The following LIMCH1 variants were observed in gnomAD, a reference collection of about 807,000 sequenced individuals.
LIMCH1 encodes LIM and calponin homology domains 1, also known as LIM and calponin homology domains-containing protein 1.
A neutral mutation model predicts 176.5 loss-of-function variants in LIMCH1; 113 were observed. The observed-to-expected ratio is 0.64, with a 90% CI of 0.55 to 0.75. The LOEUF (loss-of-function observed/expected upper bound fraction) is 0.75. LIMCH1 is among the 30% of genes least tolerant of loss of function. The pLI, the probability that LIMCH1 is intolerant of heterozygous loss-of-function variation, is 0.00. For missense variants in LIMCH1, 1,674 were observed against 1,814.9 expected, an observed-to-expected ratio of 0.92 and a Z score of 1.41; for synonymous variants, 619 against 645.9, an observed-to-expected ratio of 0.96 and a Z score of 0.63.
chr4:41,438,074 A>G (rs1235797329), intron 1 of LIMCH1, among the ~76,000 whole-genome samples: 1 of 152,184 alleles, frequency 6.6e-6, no homozygotes, highest in Non-Finnish European at 1.5e-5. Flanking sequence ...TGTTTTCCCC[A>G]ATCAGCTACC....
chr4:41,596,857 C>T (rs1367323079), intron 1 of LIMCH1, among the ~76,000 whole-genome samples: 1 of 152,132 alleles, frequency 6.6e-6, no homozygotes, highest in African/African-American at 2.4e-5. Context: ...TGAACAATGG[C>T]ATCTCTTGCC....
intron 28 of LIMCH1, among the ~76,000 whole-genome samples, chr4:41,687,457 C>T (rs1222861577): frequency 2.6e-5 from 4 of 152,138 alleles, no homozygotes; most frequent in Admixed American, 1.3e-4. Flanking sequence ...TCCCCTTCCA[C>T]GGAGTCCATC....
At chr4:41,557,031 A>G (rs1336034201) in intron 1 of LIMCH1, among the ~76,000 whole-genome samples, 1 of 152,170 alleles carries the variant, frequency 6.6e-6, no homozygotes, top group African/African-American at 2.4e-5. Context: ...TTTAACTATC[A>G]TTAATGGCCA....
At chr4:41,509,976 A>G (rs1031932077) in intron 2 of LIMCH1, among the ~76,000 whole-genome samples, 3 of 152,204 alleles carry the variant, frequency 2.0e-5, no homozygotes, top group Non-Finnish European at 4.4e-5. Context: ...ATCTTTGTAA[A>G]TATTCTGTTC....
chr4:41,560,103 C>T (rs1441009254), intron 1 of LIMCH1, among the ~76,000 whole-genome samples: 2 of 152,158 alleles, frequency 1.3e-5, no homozygotes, highest in Admixed American at 1.3e-4. Flanking sequence ...CCTCCATCTG[C>T]ATTCCTTATT....
At chr4:41,597,411 AT>A (rs1485567161) in intron 1 of LIMCH1, among the ~76,000 whole-genome samples, 1 of 152,164 alleles carries the variant, frequency 6.6e-6, no homozygotes, top group East Asian at 1.9e-4. Flanking sequence ...ACTTATTGCT[AT>A]TGTTCTTGTT....
chr4:41,650,241 A>G (rs2094233468), intron 17 of LIMCH1, 152 bp from the exon 18 acceptor site: 4 of 640,486 alleles, frequency 6.2e-6, no homozygotes, highest in Non-Finnish European at 5.5e-6. Context: ...CCTAACTCAT[A>G]GATCCCATCA....
chr4:41,601,601 G>A (rs917323720), intron 2 of LIMCH1, among the ~76,000 whole-genome samples: 4 of 152,146 alleles, frequency 2.6e-5, no homozygotes, highest in Non-Finnish European at 2.9e-5. Context: ...AAGCAGGGTA[G>A]GATGTTGAAC....
chr4:41,406,210 C>T (rs1029649618), intron 1 of LIMCH1, among the ~76,000 whole-genome samples: 4 of 152,188 alleles, frequency 2.6e-5, no homozygotes, highest in African/African-American at 7.2e-5. Flanking sequence ...AATTAACTGA[C>T]ATTTTAAAAG....
At chr4:41,368,764 T>C (rs1032635979) in intron 1 of LIMCH1, among the ~76,000 whole-genome samples, 2 of 152,120 alleles carry the variant, frequency 1.3e-5, no homozygotes, top group African/African-American at 4.8e-5. Context: ...TCTTGAATAT[T>C]CCTTGCAGGC....
At chr4:41,635,500 T>A (rs956832818) in intron 13 of LIMCH1, among the ~76,000 whole-genome samples, 5 of 152,276 alleles carry the variant, frequency 3.3e-5, no homozygotes, top group Admixed American at 3.3e-4. Flanking sequence ...AGTCCCGGGA[T>A]TACAGGTTTG....
intron 7 of LIMCH1, 62 bp from the exon 8 acceptor site, chr4:41,626,646 A>ATGGAGATTTAATT: frequency 7.5e-7 from 1 of 1,325,728 alleles, no homozygotes; most frequent in Non-Finnish European, 1.0e-6. Flanking sequence ...CTGTCTAGAG[A>ATGGAGATTTAATT]TGGAGATTTA....
chr4:41,380,592 G>A (rs2055504954), intron 1 of LIMCH1, among the ~76,000 whole-genome samples: 1 of 151,836 alleles, frequency 6.6e-6, no homozygotes, highest in Non-Finnish European at 1.5e-5. Context: ...GGGAGCTTTT[G>A]ATTTAAAATG....
chr4:41,636,340 C>CTTTTT (rs35828085), intron 13 of LIMCH1, among the ~76,000 whole-genome samples: 7 of 104,940 alleles, frequency 6.7e-5, no homozygotes, highest in South Asian at 3.3e-4. Context: ...TGCTTTATTA[C>CTTTTT]TTTTTTTTTT....
At chr4:41,690,946 A>G (rs943836774) in intron 30 of LIMCH1, among the ~76,000 whole-genome samples, 3 of 152,310 alleles carry the variant, frequency 2.0e-5, no homozygotes, top group African/African-American at 7.2e-5. Context: ...TTGAGGCTCA[A>G]GGAATATGCT....
chr4:41,499,308 G>A (rs770659895), intron 2 of LIMCH1, among the ~76,000 whole-genome samples: 1 of 152,120 alleles, frequency 6.6e-6, no homozygotes, highest in Non-Finnish European at 1.5e-5. Flanking sequence ...CTCTTCATGT[G>A]TATATATGCC....
chr4:41,502,516 C>T (rs1031052950), intron 2 of LIMCH1, among the ~76,000 whole-genome samples: 2 of 152,190 alleles, frequency 1.3e-5, no homozygotes, highest in Non-Finnish European at 1.5e-5. Flanking sequence ...AACTAATCTA[C>T]GTTCCCACCA....
At chr4:41,498,971 C>T (rs978044670) in intron 2 of LIMCH1, among the ~76,000 whole-genome samples, 1 of 151,704 alleles carries the variant, frequency 6.6e-6, no homozygotes, top group African/African-American at 2.4e-5. Context: ...CTATATGTGG[C>T]TCACAAAGCC....
intron 1 of LIMCH1, among the ~76,000 whole-genome samples, chr4:41,586,312 G>A (rs28597742): frequency 0.35 from 52,869 of 151,666 alleles, 14,762 homozygotes; most frequent in African/African-American, 0.78. Flanking sequence ...ATCACATTGT[G>A]TTGCCTGCAC....
Sources: allele counts gnomAD v4.1 joint callset (sites outside exome capture counted in the v4.1 genomes callset), GRCh38; gene constraint gnomAD v4.1.1; transcripts MANE v1.5; gene names NCBI Gene and HGNC (gene_info 2026-07-23, HGNC 2026-07-21).